Variants in DNAI2 observed in about 807,000 individuals in gnomAD.
The protein encoded by DNAI2 is dynein, axonemal, intermediate polypeptide 2.
In DNAI2, 63 loss-of-function variants were observed where a neutral mutation model predicts 74.7. The ratio of observed to expected loss-of-function variants is 0.84; its 90% CI spans 0.69 to 1.04. DNAI2 has a LOEUF of 1.04. DNAI2 is among the 50% of genes least tolerant of loss of function. The probability of loss-of-function intolerance (pLI) is 0.00; values close to 1 mark genes in which losing one functional copy is unlikely to be tolerated. For synonymous variants in DNAI2, 289 were observed against 314.9 expected, an observed-to-expected ratio of 0.92 and a Z score of 0.87; for missense variants, 688 against 803.2, an observed-to-expected ratio of 0.86 and a Z score of 1.73.
rs28725418 is a variant in DNAI2 at position 74,310,152 on chromosome 17, G to A, written c.1483G>A (p.Val495Ile). ...LSTLQRNEKN[V>I]ASSMFERETR... ...TACCCTCCAGAGGAATGAGAAGAACGTAGCCTCTTCCGTAAGCACCGGGTG... is the reference window on the plus strand; with the variant it reads ...TACCCTCCAGAGGAATGAGAAGAACATAGCCTCTTCCGTAAGCACCGGGTG... The change falls in exon 11 of 14, where the codon GTA becomes ATA. Residue 495 changes from valine (V) to isoleucine (I), a missense_variant. Transcript: ENST00000311014. 122,828 of 1,613,358 alleles carry A rather than the reference G, an allele frequency of 0.076. 11,182 individuals are homozygous for A. Among genetic ancestry groups the A allele is most frequent in the African/African-American group, 0.46 (34,580 of 74,914 alleles).
Position 74,310,095 on chromosome 17 carries a change from AC to A in DNAI2, c.1428del (p.Thr477ProfsTer19), listed in dbSNP as rs2144113081. On this transcript the variant is annotated frameshift_variant, in exon 11 of 14. Transcript: ENST00000311014. LOFTEE classifies it high-confidence loss of function. The part of the protein sequence containing the change: ...LIACGSQLGT[T>X]TLLEVSPGLS... ...CGCCTGCGGCTCCCAGCTGGGGACA[AC>A]CACCCTGCTGGAGGTCTCGCCTGGG... 6.2e-7 allele frequency: 1 copy of A among 1,613,840 alleles called. No individual in the cohort carries two copies. The highest frequency in any genetic ancestry group is 1.3e-5 in the African/African-American group (1 of 75,030).
chr17:74,276,346 T>C (rs763741833), intron 1 of DNAI2, among the ~76,000 whole-genome samples: 1 of 152,170 alleles, frequency 6.6e-6, no homozygotes, highest in Non-Finnish European at 1.5e-5. Flanking sequence ...AGTGGTGTTC[T>C]TCACGCCTCT....
intron 1 of DNAI2, among the ~76,000 whole-genome samples, chr17:74,279,641 C>T (rs1567837487): frequency 6.6e-6 from 1 of 152,192 alleles, no homozygotes; most frequent in East Asian, 1.9e-4. Flanking sequence ...GATTCTCCTA[C>T]CTCAGCCTCC....
chr17:74,279,841 C>A (rs546846102), intron 1 of DNAI2, among the ~76,000 whole-genome samples: 2 of 152,224 alleles, frequency 1.3e-5, no homozygotes, highest in East Asian at 3.9e-4. Context: ...ATCTCTTGGG[C>A]GTTGAAAGGC....
chr17:74,290,939 C>A, intron 5 of DNAI2, 81 bp from the exon 6 acceptor site: 1 of 1,255,804 alleles, frequency 8.0e-7, no homozygotes, highest in South Asian at 1.2e-5. Context: ...CCCCGCTACC[C>A]ACCCGCAGAA....
chr17:74,294,669 T>C (rs2052330681), intron 6 of DNAI2, among the ~76,000 whole-genome samples: 1 of 152,180 alleles, frequency 6.6e-6, no homozygotes, highest in Non-Finnish European at 1.5e-5. Flanking sequence ...ATTTTTCTCT[T>C]GCTGCTTTCA....
intron 6 of DNAI2, among the ~76,000 whole-genome samples, chr17:74,291,932 C>T (rs796223330): frequency 6.6e-6 from 1 of 151,650 alleles, no homozygotes; most frequent in African/African-American, 2.4e-5. Flanking sequence ...GGTGCAGTCT[C>T]AGCTCACTGC....
intron 6 of DNAI2, among the ~76,000 whole-genome samples, chr17:74,299,404 C>CGTCA (rs1448677539): frequency 3.3e-5 from 5 of 152,164 alleles, no homozygotes; most frequent in African/African-American, 1.2e-4. Flanking sequence ...GAGGCCTTCC[C>CGTCA]TGACCACCCT....
At chr17:74,296,245 C>T (rs983827876) in intron 6 of DNAI2, among the ~76,000 whole-genome samples, 3 of 150,282 alleles carry the variant, frequency 2.0e-5, no homozygotes, top group African/African-American at 4.9e-5. Flanking sequence ...GAAGCTGAGG[C>T]GGGAGGATCG....
chr17:74,287,171 C>T (rs2045490194), intron 4 of DNAI2, 73 bp downstream of exon 4: 1 of 1,588,974 alleles, frequency 6.3e-7, no homozygotes. Context: ...AAAGGCAACT[C>T]CTTGCCATCG....
At chr17:74,302,745 C>T (rs927541281) in intron 8 of DNAI2, among the ~76,000 whole-genome samples, 1 of 152,220 alleles carries the variant, frequency 6.6e-6, no homozygotes, top group Admixed American at 6.5e-5. Flanking sequence ...CGTCTTAGTG[C>T]AGCCCAGGCC....
chr17:74,275,955 A>G (rs2051048595), intron 1 of DNAI2, among the ~76,000 whole-genome samples: 1 of 152,080 alleles, frequency 6.6e-6, no homozygotes, highest in Non-Finnish European at 1.5e-5. Flanking sequence ...AGGGCCCACC[A>G]CTCGCAGGAA....
chr17:74,309,764 G>A lies in DNAI2; in HGVS notation c.1348-253G>A, dbSNP rs568749461. On this transcript the variant is annotated intron_variant, in intron 10 of 13. Transcript: ENST00000311014. ...GCTGAGCCCCACTGGCTGGGGCCAC[G>A]GAAGGGTGGGGGCATTGGGGAACCA... The A allele has an allele frequency of 2.0e-4, 127 of 638,454 alleles. No homozygotes were observed. In the East Asian group the frequency reaches 2.4e-3, roughly 12 times the overall value. The allele number at this position is 638,454 out of a possible 1,614,324, so 39.5% of individuals were successfully genotyped here. A position where few individuals can be genotyped will look rare whatever the true frequency, so the allele number is the denominator to read the frequency against.
chr17:74,281,791 T>G lies in DNAI2; in HGVS notation c.-11-16T>G. 1.2e-6 allele frequency: 2 copies of G among 1,612,230 alleles called. No individual in the cohort carries two copies. The highest frequency in any genetic ancestry group is 1.7e-6 in the Non-Finnish European group (2 of 1,179,838). ...CGGTGGGGTCCCTCACCCCACACCC[T>G]CCCTCTGCCCCCCAGCAGCCGGCAC... On this transcript the variant is annotated splice_polypyrimidine_tract_variant and intron_variant, in intron 1 of 13. Transcript: ENST00000311014.
chr17:74,285,291 G>T, intron 3 of DNAI2, 90 bp downstream of exon 3: 3 of 1,496,400 alleles, frequency 2.0e-6, no homozygotes, highest in Middle Eastern at 1.7e-4. Flanking sequence ...CCTGGCCATC[G>T]CTGTGAGGCT....
chr17:74,274,529 G>A (rs2050945599), intron 1 of DNAI2, among the ~76,000 whole-genome samples, 184 bp downstream of exon 1: 1 of 152,094 alleles, frequency 6.6e-6, no homozygotes, highest in African/African-American at 2.4e-5. Context: ...CTTCCCCTTA[G>A]TCCTCGCTGC....
At chr17:74,311,159 C>T (rs1427790751) in intron 11 of DNAI2, among the ~76,000 whole-genome samples, 1 of 152,214 alleles carries the variant, frequency 6.6e-6, no homozygotes, top group Non-Finnish European at 1.5e-5. Flanking sequence ...TAGGCATGAG[C>T]CACCACGCCC....
intron 9 of DNAI2, among the ~76,000 whole-genome samples, chr17:74,307,546 G>A (rs1355830145): frequency 6.6e-6 from 1 of 152,002 alleles, no homozygotes. Context: ...GCTAACGCCT[G>A]TAATCCCAGC....
chr17:74,289,487 A>G (rs1264684716), intron 4 of DNAI2, 107 bp from the exon 5 acceptor site: 17 of 1,436,680 alleles, frequency 1.2e-5, no homozygotes, highest in Admixed American at 3.9e-5. Context: ...AGATTATGCC[A>G]CTGCCTGGGG....
Sources: allele counts gnomAD v4.1 joint callset (sites outside exome capture counted in the v4.1 genomes callset), GRCh38; gene constraint gnomAD v4.1.1; transcripts MANE v1.5; gene names NCBI Gene and HGNC (gene_info 2026-07-23, HGNC 2026-07-21).